The following COA5 variants were observed in gnomAD, a reference collection of about 807,000 sequenced individuals.
COA5 encodes cytochrome c oxidase assembly factor 5.
COA5 carries 11 observed loss-of-function variants against 11.8 expected under a neutral mutation model. The ratio of observed to expected loss-of-function variants is 0.93; its 90% CI spans 0.59 to 1.54. The LOEUF is 1.54. Among genes scored for constraint, COA5 ranks in the 40% most tolerant of loss-of-function variants. The pLI is 0.00. For synonymous variants in COA5, 38 were observed against 37.5 expected (o/e 1.01, Z -0.05); for missense variants, 87 against 89.2 (o/e 0.97, Z 0.10).
chr2:98,607,667 C>T (rs1700727153), intron 1 of COA5, among the ~76,000 whole-genome samples: 1 of 152,214 alleles, frequency 6.6e-6, no homozygotes, highest in Admixed American at 6.5e-5. Flanking sequence ...GAACTCAGGT[C>T]CACTGTGAAC....
intron 1 of COA5, 100 bp downstream of exon 1, chr2:98,608,207 G>A (rs1700737934): frequency 2.3e-6 from 2 of 866,690 alleles, no homozygotes; most frequent in Non-Finnish European, 3.7e-6. Flanking sequence ...GCCCGGGATG[G>A]TTAACTCCAA....
intron 1 of COA5, among the ~76,000 whole-genome samples, chr2:98,606,889 C>T (rs1309327619): frequency 1.3e-5 from 2 of 152,172 alleles, no homozygotes; most frequent in Non-Finnish European, 2.9e-5. Flanking sequence ...CTCCTCTGCG[C>T]CCTCCCACAT....
chr2:98,603,111 G>GT (rs1461726745), intron 2 of COA5, among the ~76,000 whole-genome samples: 2 of 152,274 alleles, frequency 1.3e-5, no homozygotes, highest in East Asian at 3.9e-4. Context: ...CTTGCAGGTC[G>GT]TAAGTATCAG....
intron 1 of COA5, among the ~76,000 whole-genome samples, chr2:98,605,503 T>C (rs75488278): frequency 0.02 from 3,005 of 152,340 alleles, 113 homozygotes; most frequent in African/African-American, 0.068. Flanking sequence ...GGGAAATGAC[T>C]AGGCCCTGAT....
At chr2:98,601,081 TA>T (rs35988508) in intron 2 of COA5, among the ~76,000 whole-genome samples, 1 of 151,862 alleles carries the variant, frequency 6.6e-6, no homozygotes, top group Non-Finnish European at 1.5e-5. Flanking sequence ...CCATCTCTAC[TA>T]AAAAACACAA....
intron 1 of COA5, among the ~76,000 whole-genome samples, chr2:98,606,741 C>T (rs1007745961): frequency 6.6e-6 from 1 of 152,216 alleles, no homozygotes; most frequent in Admixed American, 6.5e-5. Context: ...CCCTTGACTA[C>T]TCATCAACAT....
rs542398275 is a variant in COA5, at chr2:98,606,101, AG to A, written c.100-1911del. Among the ~76,000 whole-genome samples, 77 of 152,346 alleles carry A rather than the reference AG, an allele frequency of 5.1e-4. 1 individual carries two copies. The South Asian group carries it at 0.015, about 30-fold the overall frequency. On this transcript the variant is annotated intron_variant, in intron 1 of 2. Transcript: ENST00000328709. ...GTGCTGCAGGTTTCAGGTGGGTTAAAGACTGGCAAGAAGAGACTACAGCACC... is the reference window on the plus strand; with the variant it reads ...GTGCTGCAGGTTTCAGGTGGGTTAAAACTGGCAAGAAGAGACTACAGCACC...
chr2:98,606,622 A>G (rs1243966636), intron 1 of COA5, among the ~76,000 whole-genome samples: 1 of 152,198 alleles, frequency 6.6e-6, no homozygotes, highest in Non-Finnish European at 1.5e-5. Context: ...CGCTCCGTAC[A>G]TGTTTGCTGT....
chr2:98,602,250 A>C (rs896707574), intron 2 of COA5: 1 of 152,236 alleles, frequency 6.6e-6, no homozygotes, highest in East Asian at 1.9e-4. Context: ...TTAAATGTTT[A>C]TATTTCTGGG....
intron 2 of COA5, chr2:98,602,607 C>T (rs1017478869): frequency 1.4e-4 from 21 of 154,770 alleles, no homozygotes; most frequent in African/African-American, 4.7e-4. Flanking sequence ...CAAGATCACA[C>T]TACTGCACTC....
In COA5 at chr2:98,608,412, G is replaced by A. The variant is rs1300258907; in HGVS notation, c.-7C>T. ...CCTCATAATACTTAGGCATGACGGC[G>A]CTTCCCCTCCGATGCGGACGCGACT... On this transcript the variant is annotated 5_prime_UTR_variant, in exon 1 of 3. Coordinates refer to ENST00000328709, the MANE Select transcript of COA5 (RefSeq NM_001008215.3). 7.6e-6 allele frequency: 12 copies of A among 1,589,392 alleles called. No homozygotes were observed. Among genetic ancestry groups the A allele is most frequent in the East Asian group, 4.5e-5 (2 of 44,000 alleles).
At chr2:98,607,972 ATCATT>A (rs1700732502) in intron 1 of COA5, among the ~76,000 whole-genome samples, 1 of 152,238 alleles carries the variant, frequency 6.6e-6, no homozygotes, top group Admixed American at 6.5e-5. Context: ...TCTACAGATT[ATCATT>A]TCTAGGCAGG....
At position 98,600,756 on chromosome 2, in the gene COA5, T is replaced by C. The variant is rs767843645; in HGVS notation, c.221A>G (p.Tyr74Cys). 3.6e-5 allele frequency: 58 copies of C among 1,609,652 alleles called. No homozygotes were observed. In the Admixed American group the frequency reaches 5.0e-4, roughly 14 times the overall value. Residue 74 changes from tyrosine to cysteine, a missense_variant, in exon 3 of 3, where the codon TAT becomes TGT. Coordinates refer to ENST00000328709, the MANE Select transcript of COA5 (RefSeq NM_001008215.3). ...TGTTGGCTTCAACATAATGCATCAA[T>C]ATCCTTTTCTTCCTCTGAATCTTGC... ...NRARFRGRKGY is the reference protein window; with the variant it reads ...NRARFRGRKGC
Position 98,600,000 on chromosome 2 carries a change from C to G in COA5, c.*752G>C, listed in dbSNP as rs180844840. 6.6e-6 allele frequency: 1 copy of G among 152,326 alleles called. No individual in the cohort carries two copies. Among genetic ancestry groups the G allele is most frequent in the East Asian group, 1.9e-4 (1 of 5,194 alleles). 9.4% of individuals were successfully genotyped at this position (152,326 alleles called of 1,614,324 possible). A position where few individuals can be genotyped will look rare whatever the true frequency, so the allele number is the denominator to read the frequency against. ...CAGGTGATCCTGGGAAGACCAGAGT[C>G]CTTTTATAGATTTGATTTGTGGACC... is the stretch of plus-strand genomic sequence containing the variant. On this transcript the variant is annotated 3_prime_UTR_variant, in exon 3 of 3. Coordinates refer to ENST00000328709, the MANE Select transcript of COA5 (RefSeq NM_001008215.3).
intron 1 of COA5, among the ~76,000 whole-genome samples, chr2:98,607,685 CAT>C (rs1476567944): frequency 6.6e-6 from 1 of 152,230 alleles, no homozygotes; most frequent in Non-Finnish European, 1.5e-5. Context: ...AACCTCACTA[CAT>C]GTTTCAGTGC....
At chr2:98,605,276 T>C (rs1441309806) in intron 1 of COA5, among the ~76,000 whole-genome samples, 1 of 152,216 alleles carries the variant, frequency 6.6e-6, no homozygotes, top group East Asian at 1.9e-4. Flanking sequence ...TTCTAGCCAC[T>C]GGAATGTGTG....
rs1700617661 is a variant in COA5, at chr2:98,599,922, C to T, written c.*830G>A. 1 of 152,316 alleles carries T rather than the reference C, an allele frequency of 6.6e-6. No homozygotes were observed. The highest frequency in any genetic ancestry group is 1.5e-5 in the Non-Finnish European group (1 of 68,128). 9.4% of individuals were successfully genotyped at this position (152,316 alleles called of 1,614,324 possible). On this transcript the variant is annotated 3_prime_UTR_variant, in exon 3 of 3. Coordinates refer to ENST00000328709, the MANE Select transcript of COA5 (RefSeq NM_001008215.3). ...TGCAGATAGATAGCCCAGGCCTGGC[C>T]AAGATCACAGGCCCCCATCCCCTCT...
rs367912386 is a variant in COA5, at chr2:98,608,294, C to A, written c.99+13G>T. Reference sequence around the variant, plus strand: ...CAGGGGTCGTCACCACCGGGAGCGCCCGGCCGCGCTACCTGGACCACACAG... The same window carrying A: ...CAGGGGTCGTCACCACCGGGAGCGCACGGCCGCGCTACCTGGACCACACAG... On this transcript the variant is annotated intron_variant, in intron 1 of 2. Transcript: ENST00000328709. 1.3e-6 allele frequency: 2 copies of A among 1,577,606 alleles called. No homozygotes were observed. Among genetic ancestry groups the A allele is most frequent in the African/African-American group, 2.7e-5 (2 of 74,280 alleles).
In COA5 at chr2:98,600,644, G is replaced by T; in HGVS notation, c.*108C>A. The T allele has an allele frequency of 1.1e-6, 1 of 934,830 alleles. No individual in the cohort carries two copies. Among genetic ancestry groups the T allele is most frequent in the Non-Finnish European group, 1.7e-6 (1 of 586,072 alleles). 57.9% of individuals were successfully genotyped at this position (934,830 alleles called of 1,614,324 possible). A position where few individuals can be genotyped will look rare whatever the true frequency, so the allele number is the denominator to read the frequency against. On this transcript the variant is annotated 3_prime_UTR_variant, in exon 3 of 3. Transcript: ENST00000328709. ...CAGTGTTCCACGGAGGGGAAATCTG[G>T]TCCAACCAAACAGATGTAGTAAAAA...
Sources: gnomAD v4.1 joint callset for allele counts (sites outside exome capture counted in the v4.1 genomes callset) on GRCh38, gnomAD v4.1.1 for gene constraint, MANE v1.5 for transcripts, NCBI Gene and HGNC (gene_info 2026-07-23, HGNC 2026-07-21) for gene names.